The following NAALADL2 variants were observed in gnomAD, a reference collection of about 807,000 sequenced individuals.
NAALADL2 encodes N-acetylated alpha-linked acidic dipeptidase like 2, also known as inactive N-acetylated-alpha-linked acidic dipeptidase-like protein 2.
In NAALADL2, 76 loss-of-function variants were observed where a neutral mutation model predicts 87.2. The observed-to-expected ratio is 0.87, with a 90% confidence interval of 0.72 to 1.05. The LOEUF (loss-of-function observed/expected upper bound fraction) is 1.05, where lower values mean the gene tolerates loss of function less well. Among genes scored for constraint, NAALADL2 ranks in the 50% least tolerant of loss-of-function variants. The pLI is 0.00. For missense variants in NAALADL2, 1,089 were observed against 945.8 expected (o/e 1.15, Z -1.99); for synonymous variants, 354 against 331.0 (o/e 1.07, Z -0.75).
chr3:174,503,734 C>T (rs924842417), intron 1 of NAALADL2, among the ~76,000 whole-genome samples: 17 of 152,062 alleles, frequency 1.1e-4, no homozygotes, highest in Non-Finnish European at 2.2e-4. Context: ...GTAGACATTT[C>T]ACTTGGTTGT....
intron 9 of NAALADL2, among the ~76,000 whole-genome samples, chr3:175,502,916 T>C (rs1397468678): frequency 7.6e-6 from 1 of 131,762 alleles, no homozygotes; most frequent in Non-Finnish European, 1.5e-5. Flanking sequence ...TTTAATGAGA[T>C]TTTTTTTCTC....
intron 1 of NAALADL2, chr3:175,059,915 C>A (rs200893414): frequency 2.5e-6 from 1 of 403,026 alleles, no homozygotes; most frequent in South Asian, 2.1e-5. Flanking sequence ...GAGACTGCTT[C>A]AAATACTGCC....
intron 1 of NAALADL2, among the ~76,000 whole-genome samples, chr3:174,955,905 C>T (rs1741082133): frequency 6.6e-6 from 1 of 151,958 alleles, no homozygotes; most frequent in African/African-American, 2.4e-5. Flanking sequence ...TTTAAGAAAC[C>T]ACACTTTGAA....
At chr3:175,293,036 C>CAAAAAAAAAA (rs568981496) in intron 4 of NAALADL2, among the ~76,000 whole-genome samples, 1 of 49,414 alleles carries the variant, frequency 2.0e-5, no homozygotes, top group African/African-American at 6.4e-5. Flanking sequence ...GACTCCGTCT[C>CAAAAAAAAAA]AAAAAAAAAA....
intron 2 of NAALADL2, among the ~76,000 whole-genome samples, chr3:174,637,521 G>A (rs1005567502): frequency 2.6e-5 from 4 of 151,608 alleles, no homozygotes; most frequent in Admixed American, 6.6e-5. Flanking sequence ...AAATAAAACA[G>A]CAATAAAAGG....
chr3:175,586,961 T>A (rs753817121), intron 10 of NAALADL2, among the ~76,000 whole-genome samples: 3 of 151,464 alleles, frequency 2.0e-5, no homozygotes, highest in Non-Finnish European at 4.4e-5. Flanking sequence ...CTACCACTGG[T>A]TTGAAGACTT....
At chr3:175,774,955 C>G (rs1446982146) in intron 13 of NAALADL2, 1 of 151,914 alleles carries the variant, frequency 6.6e-6, no homozygotes, top group African/African-American at 2.4e-5. Context: ...TATAGTTCTA[C>G]TTTATAGTGT....
chr3:175,141,546 A>G (rs1729994302), intron 2 of NAALADL2, among the ~76,000 whole-genome samples: 1 of 152,124 alleles, frequency 6.6e-6, no homozygotes, highest in Non-Finnish European at 1.5e-5. Flanking sequence ...TGGGATATCC[A>G]ATATGAACTT....
intron 5 of NAALADL2, among the ~76,000 whole-genome samples, chr3:175,353,944 A>G (rs1764064431): frequency 6.6e-6 from 1 of 152,188 alleles, no homozygotes; most frequent in Non-Finnish European, 1.5e-5. Context: ...GATTGACATC[A>G]TATATGTAAC....
chr3:175,643,047 C>T (rs62284545), intron 11 of NAALADL2, among the ~76,000 whole-genome samples: 2,374 of 152,192 alleles, frequency 0.016, 21 homozygotes, highest in Middle Eastern at 0.085. Context: ...TCACAATATT[C>T]GTTTAGGAGA....
chr3:174,668,433 T>TA (rs1365025618), intron 2 of NAALADL2, among the ~76,000 whole-genome samples: 1 of 152,182 alleles, frequency 6.6e-6, no homozygotes, highest in African/African-American at 2.4e-5. Flanking sequence ...GTCTTTTTTT[T>TA]ATTATACTTT....
At chr3:175,618,886 A>T (rs1725750501) in intron 10 of NAALADL2, among the ~76,000 whole-genome samples, 1 of 152,028 alleles carries the variant, frequency 6.6e-6, no homozygotes, top group African/African-American at 2.4e-5. Flanking sequence ...TATACCATGG[A>T]TGTGCACGAG....
intron 2 of NAALADL2, among the ~76,000 whole-genome samples, chr3:174,655,304 A>G (rs1724796074): frequency 6.6e-6 from 1 of 151,510 alleles, no homozygotes; most frequent in African/African-American, 2.4e-5. Context: ...AACTAGATAA[A>G]CCTCAATATG....
chr3:174,937,104 A>G (rs1292405097), intron 1 of NAALADL2, among the ~76,000 whole-genome samples: 4 of 152,110 alleles, frequency 2.6e-5, no homozygotes, highest in African/African-American at 9.7e-5. Context: ...TAACTCTAAT[A>G]GTGATAAAAT....
chr3:174,450,424 G>T (rs1052311828), intron 1 of NAALADL2, among the ~76,000 whole-genome samples: 1 of 152,204 alleles, frequency 6.6e-6, no homozygotes, highest in African/African-American at 2.4e-5. Context: ...GGTTGCCTAG[G>T]CAGTTATGGT....
intron 3 of NAALADL2, among the ~76,000 whole-genome samples, chr3:175,255,541 G>T (rs928105186): frequency 2.6e-5 from 4 of 151,880 alleles, no homozygotes; most frequent in African/African-American, 7.3e-5. Flanking sequence ...TATAATCATT[G>T]GAAAGCATAA....
chr3:175,278,065 G>T, intron 4 of NAALADL2, among the ~76,000 whole-genome samples: 1 of 152,156 alleles, frequency 6.6e-6, no homozygotes, highest in Non-Finnish European at 1.5e-5. Context: ...GGCGGAGCTT[G>T]CAGTGAGCCG....
intron 4 of NAALADL2, among the ~76,000 whole-genome samples, chr3:175,295,894 T>C (rs1756301046): frequency 6.6e-6 from 1 of 152,076 alleles, no homozygotes; most frequent in Non-Finnish European, 1.5e-5. Context: ...CATCATGAGT[T>C]GGAATCTAAC....
chr3:175,214,162 G>A (rs1742164006), intron 2 of NAALADL2, among the ~76,000 whole-genome samples: 1 of 152,072 alleles, frequency 6.6e-6, no homozygotes, highest in African/African-American at 2.4e-5. Context: ...TATGTTGATA[G>A]GTTGTGTTTA....
Sources: gnomAD v4.1 joint callset for allele counts (sites outside exome capture counted in the v4.1 genomes callset) on GRCh38, gnomAD v4.1.1 for gene constraint, MANE v1.5 for transcripts, NCBI Gene and HGNC (gene_info 2026-07-23, HGNC 2026-07-21) for gene names.